KCNN3: variants seen among roughly 807,000 people sequenced by gnomAD.
The protein encoded by KCNN3 is potassium calcium-activated channel subfamily N member 3, also known as small conductance calcium-activated potassium channel protein 3.
KCNN3 carries 16 observed loss-of-function variants against 62.9 expected under a neutral mutation model. The ratio of observed to expected loss-of-function variants is 0.25; its 90% CI spans 0.17 to 0.39. The LOEUF (loss-of-function observed/expected upper bound fraction) is 0.39. Ranked by LOEUF, KCNN3 falls within the 10% of genes least tolerant of loss-of-function variation. KCNN3 has a pLI of 1.00. For missense variants in KCNN3, 599 were observed against 949.4 expected (o/e 0.63, Z 4.85); for synonymous variants, 370 against 389.2 (o/e 0.95, Z 0.58).
chr1:154,705,603 A>C lies in KCNN3; in HGVS notation c.*2373T>G, dbSNP rs936628148. On this transcript the variant is annotated 3_prime_UTR_variant, in exon 8 of 8. Transcript: ENST00000271915. Reference sequence around the variant, plus strand: ...AGCATCAATGATGGGTTAAAGTCACAGACCACAATGAATAAATCACAGTCT... The same window carrying C: ...AGCATCAATGATGGGTTAAAGTCACCGACCACAATGAATAAATCACAGTCT... 6.6e-6 allele frequency: 1 copy of C among 152,226 alleles called. No homozygotes were observed. The highest frequency in any genetic ancestry group is 6.5e-5 in the Admixed American group (1 of 15,284). 9.4% of individuals were successfully genotyped at this position (152,226 alleles called of 1,614,324 possible). A position where few individuals can be genotyped will look rare whatever the true frequency, so the allele number is the denominator to read the frequency against.
chr1:154,857,293 A>G (rs576756934), intron 1 of KCNN3, among the ~76,000 whole-genome samples: 2 of 152,304 alleles, frequency 1.3e-5, no homozygotes, highest in South Asian at 4.1e-4. Flanking sequence ...CGGCAAGAAC[A>G]CTAGGACGCA....
chr1:154,819,707 AG>A lies in KCNN3; in HGVS notation c.1029+2381del, dbSNP rs140263464. Among the ~76,000 whole-genome samples, 567 of 152,210 alleles carry A rather than the reference AG, an allele frequency of 3.7e-3. 1 individual carries two copies. The highest frequency in any genetic ancestry group is 6.2e-3 in the Non-Finnish European group (419 of 68,008). ...AGTGACGGAGGCTGCAGGGAGGATA[AG>A]GGGCTGGGTGGTGGGAGCTCAGGGT... On this transcript the variant is annotated intron_variant, in intron 2 of 7. Transcript: ENST00000271915.
chr1:154,831,030 C>T (rs149274585), intron 1 of KCNN3, among the ~76,000 whole-genome samples: 10 of 152,308 alleles, frequency 6.6e-5, no homozygotes, highest in African/African-American at 2.4e-4. Flanking sequence ...TTTCCTGCCC[C>T]ACTTACAATA....
chr1:154,739,475 C>G (rs901409289), intron 3 of KCNN3, among the ~76,000 whole-genome samples: 10 of 152,098 alleles, frequency 6.6e-5, no homozygotes, highest in Non-Finnish European at 1.3e-4. Flanking sequence ...GGCAGGATTA[C>G]CTAAGCAATA....
In KCNN3 at chr1:154,720,335, C is replaced by T. The variant is rs575744443; in HGVS notation, c.1702-5332G>A. Among the ~76,000 whole-genome samples the T allele has an allele frequency of 5.3e-5, 8 of 152,348 alleles. No individual in the cohort carries two copies. In the South Asian group the frequency reaches 6.2e-4, roughly 12 times the overall value. ...AATCTGTCTGGGACAGAACCTTGTG[C>T]GTGATGTAATTTATAATCCTCTTCT... On this transcript the variant is annotated intron_variant, in intron 5 of 7. Transcript: ENST00000271915.
At chr1:154,803,648 G>C (rs1650047062) in intron 2 of KCNN3, among the ~76,000 whole-genome samples, 1 of 152,206 alleles carries the variant, frequency 6.6e-6, no homozygotes, top group African/African-American at 2.4e-5. Context: ...GTTTTTAAGT[G>C]TGTTTGACCA....
chr1:154,777,175 C>T (rs1402471146), intron 2 of KCNN3, among the ~76,000 whole-genome samples: 1 of 152,142 alleles, frequency 6.6e-6, no homozygotes, highest in Non-Finnish European at 1.5e-5. Context: ...CCCAAGGTAC[C>T]TCCTGCTCTA....
At chr1:154,807,383 GC>G (rs1421476737) in intron 2 of KCNN3, among the ~76,000 whole-genome samples, 1 of 152,130 alleles carries the variant, frequency 6.6e-6, no homozygotes, top group African/African-American at 2.4e-5. Flanking sequence ...CCTCCTACCT[GC>G]CCCCGCACTT....
chr1:154,850,715 A>G (rs1435120719), intron 1 of KCNN3, among the ~76,000 whole-genome samples: 1 of 152,182 alleles, frequency 6.6e-6, no homozygotes, highest in Non-Finnish European at 1.5e-5. Context: ...ATCCCTGTGG[A>G]GTTGAAAGTG....
intron 2 of KCNN3, among the ~76,000 whole-genome samples, chr1:154,791,359 A>T (rs978500379): frequency 1.3e-5 from 2 of 150,890 alleles, no homozygotes; most frequent in Middle Eastern, 6.8e-3. Flanking sequence ...CATCAGGTAC[A>T]TTCTTGCGGC....
At position 154,793,510 on chromosome 1, in the gene KCNN3, C is replaced by A. The variant is rs1378987612; in HGVS notation, c.1030-21117G>T. The stretch of plus-strand genomic sequence containing the variant: ...CAGACTCCATTTAAAAGTTATAAAC[C>A]ACCTAAAAGGATTACCATTAATGAC... On this transcript the variant is annotated intron_variant, in intron 2 of 7. Coordinates refer to ENST00000271915, the MANE Select transcript of KCNN3 (RefSeq NM_002249.6). 2.6e-5 allele frequency among the ~76,000 whole-genome samples: 4 copies of A among 152,328 alleles called. No homozygotes were observed. In the East Asian group the frequency reaches 7.7e-4, roughly 29 times the overall value.
chr1:154,829,633 C>T lies in KCNN3; in HGVS notation c.934-7449G>A, dbSNP rs116214272. ...GCCAGGCATCATGAGCCAGCTGACCCGCATCAGGATGCGGGGTCTGACCTA... is the reference window on the plus strand; with the variant it reads ...GCCAGGCATCATGAGCCAGCTGACCTGCATCAGGATGCGGGGTCTGACCTA... On this transcript the variant is annotated intron_variant, in intron 1 of 7. Transcript: ENST00000271915. Among the ~76,000 whole-genome samples the T allele has an allele frequency of 1.4e-4, 22 of 152,288 alleles. 1 individual carries two copies. Among genetic ancestry groups the T allele is most frequent in the Middle Eastern group, 3.4e-3 (1 of 294 alleles).
chr1:154,822,077 G>A lies in KCNN3; in HGVS notation c.1029+12C>T, dbSNP rs942179838. 3 of 1,600,256 alleles carry A rather than the reference G, an allele frequency of 1.9e-6. No individual in the cohort carries two copies. In the Admixed American group the frequency reaches 5.0e-5, roughly 27 times the overall value. On this transcript the variant is annotated intron_variant, in intron 2 of 7. Transcript: ENST00000271915. ...CAGCCGCTGCATGAAGGGGTGAGGT[G>A]GGGGCACCTACCTGGACTTCACGTG... is the stretch of plus-strand genomic sequence containing the variant.
intron 1 of KCNN3, among the ~76,000 whole-genome samples, chr1:154,828,222 C>T (rs1473685826): frequency 7.5e-6 from 1 of 132,628 alleles, no homozygotes; most frequent in Non-Finnish European, 1.6e-5. Flanking sequence ...TAAGCCTCAG[C>T]CCCCAGTAAA....
chr1:154,728,581 C>A (rs6663192), intron 4 of KCNN3, among the ~76,000 whole-genome samples: 74,527 of 149,998 alleles, frequency 0.5, 18,676 homozygotes, highest in Admixed American at 0.57. Flanking sequence ...GGGTGCGGGG[C>A]GGGAAAATGA....
chr1:154,780,255 GT>G (rs1004900480), intron 2 of KCNN3, among the ~76,000 whole-genome samples: 14 of 96,172 alleles, frequency 1.5e-4, no homozygotes, highest in African/African-American at 4.7e-4. Flanking sequence ...GGATTCACTC[GT>G]TTTTCCCCCC....
At chr1:154,813,946 G>A (rs1305237024) in intron 2 of KCNN3, among the ~76,000 whole-genome samples, 3 of 152,232 alleles carry the variant, frequency 2.0e-5, no homozygotes, top group Non-Finnish European at 4.4e-5. Context: ...GTGTTTAAAT[G>A]TTTAGCAAAT....
At position 154,846,395 on chromosome 1, in the gene KCNN3, C is replaced by T. The variant is rs144354385; in HGVS notation, c.933+22637G>A. Among the ~76,000 whole-genome samples the T allele has an allele frequency of 2.1e-4, 32 of 152,310 alleles. 1 individual carries two copies. The East Asian group carries it at 6.0e-3, about 28-fold the overall frequency. ...GTTCCTTCCTGATATTTACAGCCCC[C>T]GAGGCTCCTTTCTGGAGGACGATTA... is the stretch of plus-strand genomic sequence containing the variant. On this transcript the variant is annotated intron_variant, in intron 1 of 7. Transcript: ENST00000271915.
At chr1:154,836,421 C>G (rs1651589804) in intron 1 of KCNN3, among the ~76,000 whole-genome samples, 1 of 152,200 alleles carries the variant, frequency 6.6e-6, no homozygotes, top group Non-Finnish European at 1.5e-5. Flanking sequence ...TCCCCTAGTC[C>G]AAAGCCTCGT....
Sources: allele counts gnomAD v4.1 joint callset (sites outside exome capture counted in the v4.1 genomes callset), GRCh38; gene constraint gnomAD v4.1.1; transcripts MANE v1.5; gene names NCBI Gene and HGNC (gene_info 2026-07-23, HGNC 2026-07-21).